Variants in ADCY3 observed in about 807,000 individuals in gnomAD.
ADCY3 encodes the protein adenylate cyclase type 3.
ADCY3 carries 70 observed loss-of-function variants against 119.4 expected under a neutral mutation model. The ratio of observed to expected loss-of-function variants is 0.59; its 90% confidence interval spans 0.48 to 0.72. ADCY3 has a LOEUF of 0.72. Ranked by LOEUF, ADCY3 falls within the 30% of genes least tolerant of loss-of-function variation. The pLI, the probability that ADCY3 is intolerant of heterozygous loss-of-function variation, is 0.00. For missense variants in ADCY3, 1,238 were observed against 1,541.6 expected, an observed-to-expected ratio of 0.80 and a Z score of 3.30; for synonymous variants, 672 against 621.4, an observed-to-expected ratio of 1.08 and a Z score of -1.21.
chr2:24,908,293 G>A (rs533428184), intron 2 of ADCY3, among the ~76,000 whole-genome samples: 46 of 151,942 alleles, frequency 3.0e-4, no homozygotes, highest in African/African-American at 8.7e-4. Context: ...ATTGCACTCT[G>A]GCCTGGGCAA....
At chr2:24,889,859 A>C (rs997959071) in intron 2 of ADCY3, among the ~76,000 whole-genome samples, 1 of 152,202 alleles carries the variant, frequency 6.6e-6, no homozygotes, top group Non-Finnish European at 1.5e-5. Context: ...GAATAAATAA[A>C]ATTGTTAAGA....
chr2:24,905,264 G>A (rs979070941), intron 2 of ADCY3, among the ~76,000 whole-genome samples: 5 of 151,890 alleles, frequency 3.3e-5, no homozygotes, highest in Non-Finnish European at 7.4e-5. Flanking sequence ...CTCCCGAGTA[G>A]CTGGGACTAC....
At chr2:24,828,233 A>G (rs1668902651) in intron 13 of ADCY3, 72 bp from the exon 14 acceptor site, 9 of 1,564,684 alleles carry the variant, frequency 5.8e-6, no homozygotes, top group Non-Finnish European at 6.9e-6. Flanking sequence ...AGGGCTGTGC[A>G]TGGTAGTGCA....
chr2:24,890,651 C>G (rs556198863), intron 2 of ADCY3, among the ~76,000 whole-genome samples: 1 of 152,326 alleles, frequency 6.6e-6, no homozygotes, highest in East Asian at 1.9e-4. Flanking sequence ...TGCTCACCTG[C>G]ATCCCGGTAC....
intron 11 of ADCY3, among the ~76,000 whole-genome samples, chr2:24,833,629 C>G (rs370738458): frequency 3.9e-5 from 6 of 152,240 alleles, no homozygotes; most frequent in Admixed American, 2.0e-4. Flanking sequence ...CCAAGTTTCA[C>G]GAGAGCAGGG....
chr2:24,884,936 C>T (rs1230426073), intron 2 of ADCY3, among the ~76,000 whole-genome samples: 3 of 152,148 alleles, frequency 2.0e-5, no homozygotes, highest in Non-Finnish European at 2.9e-5. Context: ...ATGTCTCCTG[C>T]GTTTAATTCA....
chr2:24,888,889 G>A lies in ADCY3; in HGVS notation c.676-16170C>T, dbSNP rs549523061. Reference sequence around the variant, plus strand: ...CCGGGCATAGTGGCATGTGCCTGTAGTCCCAGCTACTCGGGAGGCTGAGGC... The same window carrying A: ...CCGGGCATAGTGGCATGTGCCTGTAATCCCAGCTACTCGGGAGGCTGAGGC... On this transcript the variant is annotated intron_variant, in intron 2 of 21. Coordinates refer to ENST00000679454, the MANE Select transcript of ADCY3 (RefSeq NM_004036.5). Among the ~76,000 whole-genome samples the A allele has an allele frequency of 1.2e-3, 189 of 152,242 alleles. 2 individuals carry two copies. Among genetic ancestry groups the A allele is most frequent in the African/African-American group, 4.1e-3 (171 of 41,546 alleles).
In ADCY3 at chr2:24,842,486, G is replaced by A; in HGVS notation, c.826-102C>T. ...GCCCCGATCCTGGCAAGAAACGTGAGCAGGGAACCATGCTGCCCTCCAGAG... is the reference window on the plus strand; with the variant it reads ...GCCCCGATCCTGGCAAGAAACGTGAACAGGGAACCATGCTGCCCTCCAGAG... On this transcript the variant is annotated intron_variant, in intron 3 of 21. Transcript: ENST00000679454. The surrounding 1 kb of genome is among the most constrained non-coding windows in gnomAD (Gnocchi z 4.9). The A allele has an allele frequency of 3.4e-6, 5 of 1,463,614 alleles. No homozygotes were observed. The highest frequency in any genetic ancestry group is 2.4e-5 in the East Asian group (1 of 42,312). The allele number at this position is 1,463,614 out of a possible 1,614,324, so 90.7% of individuals were successfully genotyped here. A position where few individuals can be genotyped will look rare whatever the true frequency, so the allele number is the denominator to read the frequency against.
chr2:24,901,335 A>G (rs1379805506), intron 2 of ADCY3, among the ~76,000 whole-genome samples: 1 of 152,244 alleles, frequency 6.6e-6, no homozygotes, highest in East Asian at 1.9e-4. Context: ...AAACCTGTTT[A>G]TGCCAGTTGT....
chr2:24,831,365 C>T (rs1177148125), intron 12 of ADCY3, among the ~76,000 whole-genome samples: 1 of 152,246 alleles, frequency 6.6e-6, no homozygotes, highest in Non-Finnish European at 1.5e-5. Flanking sequence ...CCTCTCTACC[C>T]AGGTTCTTGT....
intron 2 of ADCY3, among the ~76,000 whole-genome samples, chr2:24,886,957 C>A (rs1010199869): frequency 2.0e-5 from 3 of 152,266 alleles, no homozygotes; most frequent in Non-Finnish European, 2.9e-5. Context: ...ACAAGTGACA[C>A]CCCGTGGCTC....
intron 9 of ADCY3, among the ~76,000 whole-genome samples, chr2:24,835,856 C>T (rs192575596): frequency 6.6e-6 from 1 of 151,550 alleles, no homozygotes; most frequent in East Asian, 2.0e-4. Context: ...GAATCTCTTG[C>T]ACCCGGGAGG....
chr2:24,828,127 T>G lies in ADCY3; in HGVS notation c.2207A>C (p.Asn736Thr), dbSNP rs1300725347. ...SCLQYYTGPS[N>T]ATAGMETEGS... is the part of the protein sequence containing the mutation. ...CTCCGTTTCCATCCCTGCCGTTGCA[T>G]TGCTGGGTCCCGTGTAGTACTGGAG... The change falls in exon 14 of 22, where the codon AAT becomes ACT. Residue 736 changes from asparagine to threonine, a missense_variant. This residue lies in a region of ADCY3 where 499 missense variants were observed against 571.0 expected (regional missense o/e 0.87). Coordinates refer to ENST00000679454, the MANE Select transcript of ADCY3 (RefSeq NM_004036.5). 3 of 1,613,912 alleles carry G rather than the reference T, an allele frequency of 1.9e-6. No homozygotes were observed.
At position 24,842,440 on chromosome 2, in the gene ADCY3, C is replaced by A. The variant is rs964043828; in HGVS notation, c.826-56G>T. On this transcript the variant is annotated intron_variant, in intron 3 of 21. Transcript: ENST00000679454. This position sits in a 1 kb window ranked among gnomAD's most constrained non-coding sequence, Gnocchi z 4.9. ...AGGTAGGCCCTGCTAGAGGCAAGTT[C>A]AGATACTTCTGGGAAGAAATGCCCC... The A allele has an allele frequency of 1.9e-6, 3 of 1,608,154 alleles. No individual in the cohort carries two copies. Among genetic ancestry groups the A allele is most frequent in the South Asian group, 2.2e-5 (2 of 90,422 alleles).
chr2:24,888,039 A>G (rs762897086), intron 2 of ADCY3, among the ~76,000 whole-genome samples: 4 of 152,290 alleles, frequency 2.6e-5, no homozygotes, highest in Middle Eastern at 3.4e-3. Context: ...ATGGTCCCCA[A>G]ATTTGGCTGT....
chr2:24,820,351 T>C (rs1030227211), intron 21 of ADCY3: 2 of 1,330,826 alleles, frequency 1.5e-6, no homozygotes, highest in African/African-American at 3.0e-5. Context: ...TCTCCTAGGA[T>C]GGCCATGGTC....
rs981590615 is a variant in ADCY3, at chr2:24,819,795, G to A, written c.*137C>T. The stretch of plus-strand genomic sequence containing the variant: ...CCACCCTCAGAGCTCACACATCCAC[G>A]AACAAATGAAGGCTGAGGAGGTTTC... On this transcript the variant is annotated 3_prime_UTR_variant, in exon 22 of 22. Transcript: ENST00000679454. 10 of 933,494 alleles carry A rather than the reference G, an allele frequency of 1.1e-5. No individual in the cohort carries two copies. The highest frequency in any genetic ancestry group is 3.5e-5 in the South Asian group (2 of 57,322). The allele number at this position is 933,494 out of a possible 1,614,324, so 57.8% of individuals were successfully genotyped here. A position where few individuals can be genotyped will look rare whatever the true frequency, so the allele number is the denominator to read the frequency against.
intron 2 of ADCY3, among the ~76,000 whole-genome samples, chr2:24,883,781 C>A (rs2148891259): frequency 6.6e-6 from 1 of 152,286 alleles, no homozygotes; most frequent in East Asian, 1.9e-4. Context: ...GATCATCACA[C>A]AAACTTAAAA....
intron 2 of ADCY3, among the ~76,000 whole-genome samples, chr2:24,887,811 C>A (rs1423598774): frequency 4.6e-5 from 7 of 152,172 alleles, no homozygotes; most frequent in Non-Finnish European, 1.0e-4. Context: ...AACCACAGGC[C>A]CATCTCAGGG....
Sources: allele counts gnomAD v4.1 joint callset (sites outside exome capture counted in the v4.1 genomes callset), GRCh38; gene constraint gnomAD v4.1.1; regional missense constraint gnomAD v4.1.1; non-coding constraint Gnocchi (gnomAD v3.1); transcripts MANE v1.5; gene names NCBI Gene and HGNC (gene_info 2026-07-23, HGNC 2026-07-21).